Variants in OXSR1 observed in about 807,000 individuals in gnomAD.
OXSR1 encodes serine/threonine-protein kinase OSR1.
Under a neutral mutation model 79.8 loss-of-function variants are expected in OXSR1, and 24 were observed. That is an observed-to-expected ratio of 0.30 (90% CI 0.22 to 0.42). The LOEUF (loss-of-function observed/expected upper bound fraction) is 0.42. Among genes scored for constraint, OXSR1 ranks in the 10% least tolerant of loss-of-function variants. OXSR1 has a pLI of 1.00. For missense variants in OXSR1, 430 were observed against 618.4 expected, an observed-to-expected ratio of 0.70 and a Z score of 3.23; for synonymous variants, 226 against 209.2, an observed-to-expected ratio of 1.08 and a Z score of -0.69.
intron 6 of OXSR1, among the ~76,000 whole-genome samples, chr3:38,222,074 G>A (rs1422758561): frequency 6.6e-6 from 1 of 152,120 alleles, no homozygotes; most frequent in East Asian, 1.9e-4. Flanking sequence ...ATCAAACTCA[G>A]TATGCTGCGA....
intron 4 of OXSR1, among the ~76,000 whole-genome samples, chr3:38,203,168 T>G (rs1346331798): frequency 1.3e-5 from 2 of 152,182 alleles, no homozygotes; most frequent in African/African-American, 4.8e-5. Flanking sequence ...TTCTTATAAG[T>G]GCGTAGAAGA....
chr3:38,237,349 G>C (rs1046618231), intron 11 of OXSR1, among the ~76,000 whole-genome samples: 10 of 152,124 alleles, frequency 6.6e-5, no homozygotes, highest in African/African-American at 2.4e-4. Flanking sequence ...CTCTTATTCA[G>C]TTGGTATATC....
At chr3:38,206,498 TAAAA>T (rs1175334961) in intron 4 of OXSR1, among the ~76,000 whole-genome samples, 1 of 136,322 alleles carries the variant, frequency 7.3e-6, no homozygotes, top group Non-Finnish European at 1.6e-5. Context: ...ATTGCATTCT[TAAAA>T]AAAAAAAAAA....
At chr3:38,244,670 T>TGTGTGTGCGCGCAC (rs1491372358) in intron 12 of OXSR1, among the ~76,000 whole-genome samples, 2 of 149,626 alleles carry the variant, frequency 1.3e-5, no homozygotes, top group South Asian at 4.2e-4. Flanking sequence ...TGTGTGTGCG[T>TGTGTGTGCGCGCAC]GCGCATGTAC....
chr3:38,233,916 GAAAA>G (rs796729709), intron 10 of OXSR1, among the ~76,000 whole-genome samples: 1 of 132,502 alleles, frequency 7.5e-6, no homozygotes, highest in Non-Finnish European at 1.7e-5. Flanking sequence ...TGTCTCAAAA[GAAAA>G]AAAAAAAAGA....
chr3:38,170,205 A>G (rs1249226778), intron 1 of OXSR1, among the ~76,000 whole-genome samples: 1 of 151,776 alleles, frequency 6.6e-6, no homozygotes, highest in Non-Finnish European at 1.5e-5. Context: ...CCACCACACC[A>G]GGCTAAGTTT....
intron 4 of OXSR1, among the ~76,000 whole-genome samples, chr3:38,210,572 G>A (rs1702365686): frequency 6.6e-6 from 1 of 151,904 alleles, no homozygotes; most frequent in Non-Finnish European, 1.5e-5. Context: ...CCTTAGACTG[G>A]GTCTGCTTGG....
chr3:38,195,151 T>A (rs1478630268), intron 3 of OXSR1, among the ~76,000 whole-genome samples: 1 of 152,210 alleles, frequency 6.6e-6, no homozygotes, highest in Non-Finnish European at 1.5e-5. Context: ...ATTTCCAGTT[T>A]ATTAGCACTA....
At chr3:38,198,618 A>T in intron 3 of OXSR1, 104 bp from the exon 4 acceptor site, 1 of 746,558 alleles carries the variant, frequency 1.3e-6, no homozygotes, top group East Asian at 2.7e-5. Flanking sequence ...ATTTCTGCAC[A>T]GTTAAGTTTA....
chr3:38,228,610 G>A (rs753511238), intron 8 of OXSR1, among the ~76,000 whole-genome samples: 3 of 152,092 alleles, frequency 2.0e-5, no homozygotes, highest in Non-Finnish European at 4.4e-5. Context: ...TTGCTTTGTC[G>A]CCCAGGCTGG....
chr3:38,232,638 T>C (rs1158508843), intron 10 of OXSR1, among the ~76,000 whole-genome samples: 1 of 151,698 alleles, frequency 6.6e-6, no homozygotes, highest in East Asian at 2.0e-4. Flanking sequence ...TGCGTGCCTG[T>C]GGTCCCAGCT....
In OXSR1 at chr3:38,230,424, A is replaced by C; in HGVS notation, c.945A>C (p.Ala315=). ...LQRAPTISER[A]KKVRRVPGSS... ...GAGCACCAACCATTTCTGAAAGAGC[A>C]AAAAAGGTAAATCAGAATTTAACTC... The change falls in exon 10 of 18, where the codon GCA becomes GCC. Residue 315 remains alanine (A), a synonymous_variant. Coordinates refer to ENST00000311806, the MANE Select transcript of OXSR1 (RefSeq NM_005109.3). 1.3e-6 allele frequency: 2 copies of C among 1,590,744 alleles called. No individual in the cohort carries two copies. The highest frequency in any genetic ancestry group is 1.7e-6 in the Non-Finnish European group (2 of 1,160,538).
intron 1 of OXSR1, among the ~76,000 whole-genome samples, chr3:38,181,321 G>T (rs1186766997): frequency 1.3e-5 from 2 of 149,194 alleles, no homozygotes; most frequent in Non-Finnish European, 3.0e-5. Flanking sequence ...CTACTTCTTT[G>T]CTGAGATTTT....
intron 3 of OXSR1, chr3:38,193,335 T>C: frequency 1.6e-6 from 2 of 1,289,548 alleles, no homozygotes; most frequent in Non-Finnish European, 2.0e-6. Context: ...CATATGATGG[T>C]TGGAAGCTTT....
rs897077176 is a variant in OXSR1 at position 38,165,542 on chromosome 3, G to C, written c.-335G>C. On this transcript the variant is annotated 5_prime_UTR_variant, in exon 1 of 18. Transcript: ENST00000311806. ...GGAGGAAGAGGGGAAAGTTTGGCCC[G>C]TGCGTGGGGCTGGGGTGGAGGGCGG... is the stretch of plus-strand genomic sequence containing the variant. 3 of 320,950 alleles carry C rather than the reference G, an allele frequency of 9.3e-6. No homozygotes were observed. Among genetic ancestry groups the C allele is most frequent in the African/African-American group, 6.6e-5 (3 of 45,268 alleles). 19.9% of individuals were successfully genotyped at this position (320,950 alleles called of 1,614,324 possible).
At chr3:38,171,282 G>A (rs1701576596) in intron 1 of OXSR1, among the ~76,000 whole-genome samples, 2 of 152,078 alleles carry the variant, frequency 1.3e-5, no homozygotes, top group Admixed American at 1.3e-4. Flanking sequence ...ATACCAAAAT[G>A]TTTGTTACAT....
intron 4 of OXSR1, among the ~76,000 whole-genome samples, chr3:38,202,572 G>A (rs770032867): frequency 4.6e-5 from 7 of 151,888 alleles, no homozygotes; most frequent in Non-Finnish European, 7.4e-5. Context: ...TAGGTGCCGA[G>A]GCAAGAGACT....
intron 6 of OXSR1, among the ~76,000 whole-genome samples, chr3:38,223,018 C>T (rs1296749676): frequency 2.0e-5 from 3 of 152,114 alleles, no homozygotes; most frequent in Non-Finnish European, 2.9e-5. Context: ...GGTGAACATT[C>T]AGTTTGTGTC....
intron 4 of OXSR1, among the ~76,000 whole-genome samples, chr3:38,201,080 CTT>C (rs1164430409): frequency 6.6e-6 from 1 of 151,922 alleles, no homozygotes; most frequent in Non-Finnish European, 1.5e-5. Context: ...GCCTATTTTT[CTT>C]TTATTTTGAA....
Sources: allele counts gnomAD v4.1 joint callset (sites outside exome capture counted in the v4.1 genomes callset), GRCh38; gene constraint gnomAD v4.1.1; transcripts MANE v1.5; gene names NCBI Gene and HGNC (gene_info 2026-07-23, HGNC 2026-07-21).